The following ARL15 variants were observed in gnomAD, a reference collection of about 807,000 sequenced individuals.
The protein encoded by ARL15 is ARF like GTPase 15, also known as ADP-ribosylation factor-like protein 15.
ARL15 carries 19 observed loss-of-function variants against 25.2 expected under a neutral mutation model. The ratio of observed to expected loss-of-function variants is 0.75; its 90% CI spans 0.53 to 1.10. The LOEUF (loss-of-function observed/expected upper bound fraction) is 1.10, where lower values mean the gene tolerates loss of function less well. ARL15 is among the 50% of genes least tolerant of loss of function. The pLI is 0.00. For missense variants in ARL15, 220 were observed against 246.0 expected, an observed-to-expected ratio of 0.89 and a Z score of 0.71; for synonymous variants, 94 against 86.8, an observed-to-expected ratio of 1.08 and a Z score of -0.46.
intron 2 of ARL15, among the ~76,000 whole-genome samples, chr5:54,167,988 A>T (rs1040597292): frequency 1.3e-5 from 2 of 152,094 alleles, no homozygotes; most frequent in African/African-American, 2.4e-5. Flanking sequence ...GGTTCTTTTG[A>T]TTTCTTGCCC....
chr5:54,061,295 G>A (rs907212872), intron 4 of ARL15, among the ~76,000 whole-genome samples: 1 of 152,198 alleles, frequency 6.6e-6, no homozygotes, highest in South Asian at 2.1e-4. Context: ...TGTTGAGCTT[G>A]AGGCTGCATA....
chr5:54,210,492 T>G lies in ARL15; in HGVS notation c.49-38564A>C, dbSNP rs189505872. ...GTATTGTGAAATATATTATATTTGA[T>G]TATCAAGCTAAAGCATTGCAAATGG... is the stretch of plus-strand genomic sequence containing the variant. On this transcript the variant is annotated intron_variant, in intron 1 of 4. Coordinates refer to ENST00000504924, the MANE Select transcript of ARL15 (RefSeq NM_019087.3). 4.6e-4 allele frequency among the ~76,000 whole-genome samples: 70 copies of G among 152,340 alleles called. No individual in the cohort carries two copies. The East Asian group carries it at 0.013, about 29-fold the overall frequency.
intron 3 of ARL15, among the ~76,000 whole-genome samples, chr5:54,117,695 A>G (rs146776000): frequency 1.5e-3 from 221 of 152,300 alleles, no homozygotes; most frequent in African/African-American, 5.1e-3. Context: ...TTTGAGTTGT[A>G]AGCTACTTCA....
chr5:53,986,789 A>C (rs563307015), intron 4 of ARL15, among the ~76,000 whole-genome samples: 1 of 152,348 alleles, frequency 6.6e-6, no homozygotes, highest in South Asian at 2.1e-4. Flanking sequence ...TGGAGCTACA[A>C]TAGTGAAGAA....
At chr5:54,050,142 A>G (rs1248509787) in intron 4 of ARL15, among the ~76,000 whole-genome samples, 1 of 152,184 alleles carries the variant, frequency 6.6e-6, no homozygotes, top group Non-Finnish European at 1.5e-5. Context: ...CAGCAGCTAC[A>G]TATCCTTTGC....
chr5:54,128,880 T>G (rs917299595), intron 3 of ARL15, among the ~76,000 whole-genome samples: 5 of 151,994 alleles, frequency 3.3e-5, no homozygotes, highest in African/African-American at 1.2e-4. Context: ...TAATTTTTTG[T>G]ATTTTTAGTA....
At chr5:54,082,490 GA>G (rs1297582510) in intron 4 of ARL15, among the ~76,000 whole-genome samples, 1 of 151,926 alleles carries the variant, frequency 6.6e-6, no homozygotes, top group South Asian at 2.1e-4. Flanking sequence ...CATTTGGAAG[GA>G]AAAAATCCTG....
chr5:53,954,621 C>T (rs1315240608), intron 4 of ARL15, among the ~76,000 whole-genome samples: 2 of 152,074 alleles, frequency 1.3e-5, no homozygotes, highest in African/African-American at 2.4e-5. Context: ...TTTAAGAACT[C>T]ATGTAAACAG....
At chr5:53,964,910 C>G (rs911583802) in intron 4 of ARL15, among the ~76,000 whole-genome samples, 6 of 152,176 alleles carry the variant, frequency 3.9e-5, no homozygotes, top group Admixed American at 6.5e-5. Flanking sequence ...ACTCCCACCC[C>G]ACTCCTGAAG....
At chr5:54,180,801 GTC>G (rs1307429790) in intron 1 of ARL15, among the ~76,000 whole-genome samples, 2 of 152,162 alleles carry the variant, frequency 1.3e-5, no homozygotes, top group South Asian at 2.1e-4. Context: ...GCTGTCTCCT[GTC>G]TCTGTCCCTA....
chr5:54,208,421 C>G (rs1200347915), intron 1 of ARL15, among the ~76,000 whole-genome samples: 1 of 152,062 alleles, frequency 6.6e-6, no homozygotes, highest in African/African-American at 2.4e-5. Flanking sequence ...CACACGCACA[C>G]ACACACATAT....
chr5:54,016,653 C>G (rs1749438331), intron 4 of ARL15, among the ~76,000 whole-genome samples: 1 of 152,134 alleles, frequency 6.6e-6, no homozygotes, highest in Non-Finnish European at 1.5e-5. Context: ...CCTCAGGCCT[C>G]CACTTATTGC....
At chr5:54,025,565 T>A (rs776492608) in intron 4 of ARL15, among the ~76,000 whole-genome samples, 1 of 152,226 alleles carries the variant, frequency 6.6e-6, no homozygotes, top group Non-Finnish European at 1.5e-5. Flanking sequence ...TCTTTCTGAA[T>A]AAAAGCAATA....
intron 2 of ARL15, among the ~76,000 whole-genome samples, chr5:54,155,975 A>T (rs1754221917): frequency 1.3e-5 from 2 of 152,206 alleles, no homozygotes; most frequent in Admixed American, 6.5e-5. Context: ...TTTTAAGATT[A>T]AAAAAGTTTC....
At chr5:54,271,370 G>A (rs1757778777) in intron 1 of ARL15, among the ~76,000 whole-genome samples, 1 of 152,170 alleles carries the variant, frequency 6.6e-6, no homozygotes. Context: ...ATATAAAATG[G>A]TATCGTATTT....
At chr5:54,308,050 C>T (rs901838798) in intron 1 of ARL15, 1 of 152,066 alleles carries the variant, frequency 6.6e-6, no homozygotes, top group Non-Finnish European at 1.5e-5. Flanking sequence ...TTTTAATAAA[C>T]GCCACACAGA....
chr5:54,127,864 G>A (rs374823302), intron 3 of ARL15, among the ~76,000 whole-genome samples: 161 of 150,912 alleles, frequency 1.1e-3, no homozygotes, highest in East Asian at 7.5e-3. Flanking sequence ...AAATAATGCC[G>A]CATATCTACA....
chr5:54,274,280 T>C (rs1423532100), intron 1 of ARL15, among the ~76,000 whole-genome samples: 1 of 152,144 alleles, frequency 6.6e-6, no homozygotes, highest in African/African-American at 2.4e-5. Context: ...CACAAAGGCA[T>C]GTGGCAGAGA....
chr5:54,200,320 G>GA (rs1422394493), intron 1 of ARL15, among the ~76,000 whole-genome samples: 3 of 149,154 alleles, frequency 2.0e-5, no homozygotes, highest in South Asian at 2.1e-4. Context: ...AGAAAAAAAA[G>GA]AAAAAAATAA....
Sources: allele counts gnomAD v4.1 joint callset (sites outside exome capture counted in the v4.1 genomes callset), GRCh38; gene constraint gnomAD v4.1.1; transcripts MANE v1.5; gene names NCBI Gene and HGNC (gene_info 2026-07-23, HGNC 2026-07-21).